Variants in LHFPL3 observed in about 807,000 individuals in gnomAD.
The protein encoded by LHFPL3 is LHFPL tetraspan subfamily member 3 protein.
LHFPL3 carries 5 observed loss-of-function variants against 19.3 expected under a neutral mutation model. The observed-to-expected ratio is 0.26, with a 90% CI of 0.14 to 0.54. The LOEUF is 0.54. Among genes scored for constraint, LHFPL3 ranks in the 20% least tolerant of loss-of-function variants. LHFPL3 has a pLI of 0.94. For synonymous variants in LHFPL3, 133 were observed against 126.2 expected (o/e 1.05, Z -0.36); for missense variants, 249 against 307.4 (o/e 0.81, Z 1.42).
chr7:104,847,896 C>T (rs75030709), intron 2 of LHFPL3, among the ~76,000 whole-genome samples: 1,659 of 152,184 alleles, frequency 0.011, 36 homozygotes, highest in African/African-American at 0.038. Context: ...CAAGTTTAGC[C>T]GAATACACAA....
intron 1 of LHFPL3, among the ~76,000 whole-genome samples, chr7:104,603,234 T>A (rs1791021943): frequency 6.6e-6 from 1 of 151,362 alleles, no homozygotes; most frequent in Non-Finnish European, 1.5e-5. Context: ...CTTGCTTTGT[T>A]GCCCCAGCTG....
At chr7:104,415,138 G>A (rs1219645520) in intron 1 of LHFPL3, among the ~76,000 whole-genome samples, 1 of 152,110 alleles carries the variant, frequency 6.6e-6, no homozygotes, top group Non-Finnish European at 1.5e-5. Flanking sequence ...ATAGAAAAGT[G>A]GGAAAACGAT....
chr7:104,879,320 G>A (rs1040187766), intron 2 of LHFPL3, among the ~76,000 whole-genome samples: 3 of 152,150 alleles, frequency 2.0e-5, no homozygotes, highest in African/African-American at 7.2e-5. Context: ...GGAGGCTAAG[G>A]TGGGAGGATT....
At chr7:104,627,941 G>A (rs920398753) in intron 1 of LHFPL3, among the ~76,000 whole-genome samples, 1 of 152,228 alleles carries the variant, frequency 6.6e-6, no homozygotes, top group Non-Finnish European at 1.5e-5. Flanking sequence ...GCAGTTGACA[G>A]TTGCTCTTGC....
chr7:104,606,747 C>A (rs959665949), intron 1 of LHFPL3, among the ~76,000 whole-genome samples: 6 of 152,108 alleles, frequency 3.9e-5, no homozygotes, highest in African/African-American at 1.4e-4. Context: ...AAATCAGTAT[C>A]CCTGAAAGCT....
At chr7:104,414,674 A>G (rs1011825974) in intron 1 of LHFPL3, among the ~76,000 whole-genome samples, 2 of 152,204 alleles carry the variant, frequency 1.3e-5, no homozygotes, top group Non-Finnish European at 2.9e-5. Context: ...TTATGCATAA[A>G]CTTTAGATGG....
intron 1 of LHFPL3, among the ~76,000 whole-genome samples, chr7:104,358,093 T>C (rs1212125051): frequency 6.6e-6 from 1 of 152,086 alleles, no homozygotes; most frequent in Non-Finnish European, 1.5e-5. Context: ...AGCATATGAG[T>C]TTATTTATAT....
chr7:104,346,551 C>T (rs867039593), intron 1 of LHFPL3, among the ~76,000 whole-genome samples: 21 of 152,214 alleles, frequency 1.4e-4, no homozygotes, highest in Middle Eastern at 3.4e-3. Context: ...GAAATGACTA[C>T]TCAAAACTCA....
At chr7:104,691,953 A>G (rs1363810498) in intron 1 of LHFPL3, among the ~76,000 whole-genome samples, 1 of 152,260 alleles carries the variant, frequency 6.6e-6, no homozygotes, top group Admixed American at 6.5e-5. Flanking sequence ...AGTCAGGCTG[A>G]TGTGATCTCA....
intron 1 of LHFPL3, among the ~76,000 whole-genome samples, chr7:104,376,236 G>C (rs1271463162): frequency 6.6e-6 from 1 of 152,150 alleles, no homozygotes; most frequent in Non-Finnish European, 1.5e-5. Context: ...TTTTGTGCCA[G>C]GTTCTGTCCT....
chr7:104,680,545 A>C (rs571573771), intron 1 of LHFPL3, among the ~76,000 whole-genome samples: 1 of 152,108 alleles, frequency 6.6e-6, no homozygotes, highest in Non-Finnish European at 1.5e-5. Flanking sequence ...CCTCGTTCTC[A>C]TCATACCCAT....
chr7:104,898,517 GT>G (rs1201432776), intron 2 of LHFPL3, among the ~76,000 whole-genome samples: 1 of 152,162 alleles, frequency 6.6e-6, no homozygotes, highest in African/African-American at 2.4e-5. Context: ...ATGACAGGTA[GT>G]TTTACAACTG....
chr7:104,336,921 A>C (rs1789820407), intron 1 of LHFPL3, among the ~76,000 whole-genome samples: 1 of 152,208 alleles, frequency 6.6e-6, no homozygotes. Flanking sequence ...TAAATAATCA[A>C]GGGGGTTCTC....
intron 2 of LHFPL3, among the ~76,000 whole-genome samples, chr7:104,739,513 A>G (rs1793891305): frequency 6.6e-6 from 1 of 152,236 alleles, no homozygotes; most frequent in Admixed American, 6.5e-5. Context: ...TGTGTAATTA[A>G]TTATATATAA....
intron 2 of LHFPL3, among the ~76,000 whole-genome samples, chr7:104,756,592 C>A (rs917135957): frequency 6.6e-6 from 1 of 152,152 alleles, no homozygotes; most frequent in Non-Finnish European, 1.5e-5. Flanking sequence ...CTCCACCTCC[C>A]AGGTTCAAGT....
chr7:104,332,116 C>T (rs1801576668), intron 1 of LHFPL3, among the ~76,000 whole-genome samples: 1 of 151,764 alleles, frequency 6.6e-6, no homozygotes, highest in Non-Finnish European at 1.5e-5. Context: ...AGAGACTATC[C>T]CTCATTGGAA....
intron 1 of LHFPL3, among the ~76,000 whole-genome samples, chr7:104,401,785 A>G (rs1218299036): frequency 6.6e-6 from 1 of 152,240 alleles, no homozygotes; most frequent in Non-Finnish European, 1.5e-5. Context: ...AGGTAAACTC[A>G]TTCTCTGTTT....
chr7:104,854,879 A>G (rs975292786), intron 2 of LHFPL3, among the ~76,000 whole-genome samples: 8 of 152,244 alleles, frequency 5.3e-5, no homozygotes, highest in Admixed American at 4.6e-4. Flanking sequence ...AACTATATAT[A>G]AAGTGAGGCC....
In LHFPL3 at chr7:104,908,155, A is replaced by C. The variant is rs1218299155; in HGVS notation, c.*1940A>C. Among the ~76,000 whole-genome samples, 1 of 152,228 alleles carries C rather than the reference A, an allele frequency of 6.6e-6. No homozygotes were observed. Among genetic ancestry groups the C allele is most frequent in the Non-Finnish European group, 1.5e-5 (1 of 68,042 alleles). On this transcript the variant is annotated 3_prime_UTR_variant, in exon 3 of 3. Transcript: ENST00000424859. Reference sequence around the variant, plus strand: ...TATTGGCTTTCTCTAATCCATGCAAACTACAAATTCCATCGGGAGTCCTAC... The same window carrying C: ...TATTGGCTTTCTCTAATCCATGCAACCTACAAATTCCATCGGGAGTCCTAC...
Sources: allele counts gnomAD v4.1 joint callset (sites outside exome capture counted in the v4.1 genomes callset), GRCh38; gene constraint gnomAD v4.1.1; transcripts MANE v1.5; gene names NCBI Gene and HGNC (gene_info 2026-07-23, HGNC 2026-07-21).